Variants in SH3GL2 observed in about 807,000 individuals in gnomAD.
SH3GL2 encodes the protein SH3 domain containing GRB2 like 2, endophilin A1.
SH3GL2 carries 24 observed loss-of-function variants against 46.0 expected under a neutral mutation model. The observed-to-expected ratio is 0.52, with a 90% CI of 0.38 to 0.73. SH3GL2 has a LOEUF of 0.73. SH3GL2 is among the 30% of genes least tolerant of loss of function. The pLI, the probability that SH3GL2 is intolerant of heterozygous loss-of-function variation, is 0.00. For missense variants in SH3GL2, 413 were observed against 424.2 expected (o/e 0.97, Z 0.23); for synonymous variants, 196 against 147.1 (o/e 1.33, Z -2.40).
chr9:17,789,360 T>C, intron 5 of SH3GL2, 32 bp from the exon 6 acceptor site: 1 of 1,603,352 alleles, frequency 6.2e-7, no homozygotes, highest in Non-Finnish European at 8.5e-7. Context: ...ATAAGCCCTT[T>C]CAAAGCCTAT....
At chr9:17,636,046 T>A (rs1819535532) in intron 1 of SH3GL2, among the ~76,000 whole-genome samples, 1 of 152,220 alleles carries the variant, frequency 6.6e-6, no homozygotes, top group Admixed American at 6.5e-5. Flanking sequence ...AAAGTTTGAT[T>A]ATCTTATATC....
At chr9:17,717,188 A>G (rs1821783907) in intron 1 of SH3GL2, among the ~76,000 whole-genome samples, 1 of 152,180 alleles carries the variant, frequency 6.6e-6, no homozygotes, top group South Asian at 2.1e-4. Flanking sequence ...TCGGAAGGTC[A>G]TGTGGCTGAT....
chr9:17,723,921 T>G (rs763691025), intron 1 of SH3GL2, among the ~76,000 whole-genome samples: 1 of 152,160 alleles, frequency 6.6e-6, no homozygotes, highest in Non-Finnish European at 1.5e-5. Flanking sequence ...TCTTATTGAT[T>G]TCAAGAGTTT....
intron 1 of SH3GL2, among the ~76,000 whole-genome samples, chr9:17,738,559 TACATAC>T (rs1563833728): frequency 6.2e-4 from 14 of 22,604 alleles, no homozygotes; most frequent in Non-Finnish European, 1.1e-3. Context: ...TGTGTGTATA[TACATAC>T]ATATATATAT....
At chr9:17,723,457 T>C (rs1370704019) in intron 1 of SH3GL2, among the ~76,000 whole-genome samples, 2 of 152,144 alleles carry the variant, frequency 1.3e-5, no homozygotes, top group Admixed American at 6.6e-5. Context: ...ATCTTTCATA[T>C]ATGAACCTAA....
At chr9:17,597,367 A>T (rs937534002) in intron 1 of SH3GL2, among the ~76,000 whole-genome samples, 2 of 152,138 alleles carry the variant, frequency 1.3e-5, no homozygotes, top group Non-Finnish European at 2.9e-5. Context: ...ATACAAAAAA[A>T]TTAGCTGGGT....
In SH3GL2 at chr9:17,627,883, G is replaced by A. The variant is rs112101139; in HGVS notation, c.45+48596G>A. 1.9e-3 allele frequency among the ~76,000 whole-genome samples: 293 copies of A among 152,314 alleles called. 3 individuals are homozygous for A. The highest frequency in any genetic ancestry group is 2.9e-3 in the Admixed American group (45 of 15,296). ...ACTGCTCTAGTGACTCAATATAACAGTGGTCTGGGAAGACTTGGCTTTAGC... is the reference window on the plus strand; with the variant it reads ...ACTGCTCTAGTGACTCAATATAACAATGGTCTGGGAAGACTTGGCTTTAGC... On this transcript the variant is annotated intron_variant, in intron 1 of 8. Coordinates refer to ENST00000380607, the MANE Select transcript of SH3GL2 (RefSeq NM_003026.5).
At chr9:17,706,419 T>C (rs981062666) in intron 1 of SH3GL2, among the ~76,000 whole-genome samples, 3 of 152,148 alleles carry the variant, frequency 2.0e-5, no homozygotes, top group East Asian at 3.9e-4. Context: ...TCATGAACTT[T>C]CCTGTCCTCT....
At position 17,681,209 on chromosome 9, in the gene SH3GL2, A is replaced by G. The variant is rs138344777; in HGVS notation, c.46-65857A>G. 4.3e-3 allele frequency among the ~76,000 whole-genome samples: 657 copies of G among 152,300 alleles called. 8 individuals are homozygous for G. Among genetic ancestry groups the G allele is most frequent in the African/African-American group, 0.015 (618 of 41,586 alleles). ...TTTAGGAAAGGTATTACGTTTAAGC[A>G]TAGAACTAAGTAGGAAGAGGTAAGT... On this transcript the variant is annotated intron_variant, in intron 1 of 8. Coordinates refer to ENST00000380607, the MANE Select transcript of SH3GL2 (RefSeq NM_003026.5).
At chr9:17,622,098 A>G (rs1407008630) in intron 1 of SH3GL2, among the ~76,000 whole-genome samples, 1 of 152,092 alleles carries the variant, frequency 6.6e-6, no homozygotes, top group Non-Finnish European at 1.5e-5. Context: ...CCTATTTTTC[A>G]TTTGGAAATT....
intron 1 of SH3GL2, among the ~76,000 whole-genome samples, chr9:17,642,783 T>A (rs528081146): frequency 1.3e-5 from 2 of 152,214 alleles, no homozygotes; most frequent in Non-Finnish European, 2.9e-5. Context: ...TCAGGTAGCG[T>A]GATACCTCCA....
At chr9:17,611,165 G>A (rs1055939903) in intron 1 of SH3GL2, among the ~76,000 whole-genome samples, 32 of 151,974 alleles carry the variant, frequency 2.1e-4, no homozygotes, top group African/African-American at 7.7e-4. Context: ...AGGAAGTATC[G>A]ATCATTGGTT....
At chr9:17,601,176 C>T (rs1329610851) in intron 1 of SH3GL2, among the ~76,000 whole-genome samples, 2 of 152,282 alleles carry the variant, frequency 1.3e-5, no homozygotes, top group East Asian at 1.9e-4. Context: ...CTGACCTGCA[C>T]ATGGTCATTT....
chr9:17,691,025 A>ATTTT (rs1821063600), intron 1 of SH3GL2, among the ~76,000 whole-genome samples: 1 of 152,172 alleles, frequency 6.6e-6, no homozygotes, highest in Non-Finnish European at 1.5e-5. Context: ...CAGTGGAGAA[A>ATTTT]AGGGCATGCT....
intron 3 of SH3GL2, among the ~76,000 whole-genome samples, chr9:17,768,232 T>G (rs1823372634): frequency 1.3e-5 from 2 of 151,608 alleles, no homozygotes; most frequent in Non-Finnish European, 2.9e-5. Flanking sequence ...GTAGCTGCTG[T>G]TGGTGGTGGG....
At chr9:17,693,821 C>T (rs1292116239) in intron 1 of SH3GL2, among the ~76,000 whole-genome samples, 2 of 152,168 alleles carry the variant, frequency 1.3e-5, no homozygotes, top group African/African-American at 4.8e-5. Context: ...AGGATAGACA[C>T]TGAACATCAG....
intron 1 of SH3GL2, among the ~76,000 whole-genome samples, chr9:17,669,866 G>C (rs2117952625): frequency 6.6e-6 from 1 of 152,188 alleles, no homozygotes; most frequent in African/African-American, 2.4e-5. Flanking sequence ...ATACACCAAG[G>C]GTGAAGTTTA....
At chr9:17,599,447 C>T (rs1470699009) in intron 1 of SH3GL2, among the ~76,000 whole-genome samples, 1 of 152,222 alleles carries the variant, frequency 6.6e-6, no homozygotes, top group Non-Finnish European at 1.5e-5. Flanking sequence ...GCAGGTTCTT[C>T]TTTCTGGGAT....
chr9:17,683,196 C>T (rs547156788), intron 1 of SH3GL2, among the ~76,000 whole-genome samples: 29 of 152,178 alleles, frequency 1.9e-4, no homozygotes, highest in African/African-American at 7.0e-4. Flanking sequence ...GAATGTATCT[C>T]AGCATGGGAC....
Sources: gnomAD v4.1 joint callset for allele counts (sites outside exome capture counted in the v4.1 genomes callset) on GRCh38, gnomAD v4.1.1 for gene constraint, MANE v1.5 for transcripts, NCBI Gene and HGNC (gene_info 2026-07-23, HGNC 2026-07-21) for gene names.